The following PPP1R12A variants were observed in gnomAD, a reference collection of about 807,000 sequenced individuals.
The protein encoded by PPP1R12A is myosin binding subunit.
In PPP1R12A, 19 loss-of-function variants were observed where a neutral mutation model predicts 139.6. The observed-to-expected ratio is 0.14, with a 90% CI of 0.09 to 0.20. The LOEUF (loss-of-function observed/expected upper bound fraction) is 0.20, where lower values mean the gene tolerates loss of function less well. PPP1R12A is among the 10% of genes least tolerant of loss of function. The probability of loss-of-function intolerance (pLI) is 1.00; values close to 1 mark genes in which losing one functional copy is unlikely to be tolerated. For missense variants in PPP1R12A, 925 were observed against 1,211.5 expected, an observed-to-expected ratio of 0.76 and a Z score of 3.51; for synonymous variants, 427 against 420.6, an observed-to-expected ratio of 1.02 and a Z score of -0.19.
chr12:79,885,956 A>G (rs868341382), intron 1 of PPP1R12A, among the ~76,000 whole-genome samples: 1 of 152,142 alleles, frequency 6.6e-6, no homozygotes, highest in African/African-American at 2.4e-5. Flanking sequence ...TTGGCCTCCC[A>G]AAGTGCTGGC....
At chr12:79,845,491 T>C (rs890358730) in intron 2 of PPP1R12A, 71 bp from the exon 3 acceptor site, 21 of 1,103,860 alleles carry the variant, frequency 1.9e-5, no homozygotes, top group Non-Finnish European at 2.7e-5. Context: ...GCATAACCAA[T>C]GAGGAAAGTT....
intron 2 of PPP1R12A, among the ~76,000 whole-genome samples, chr12:79,858,456 A>C (rs1437814508): frequency 6.6e-6 from 1 of 152,232 alleles, no homozygotes; most frequent in Admixed American, 6.5e-5. Flanking sequence ...TAAATTAGGT[A>C]CAAGTATTAA....
At chr12:79,911,051 T>G (rs1423682280) in intron 1 of PPP1R12A, among the ~76,000 whole-genome samples, 1 of 152,216 alleles carries the variant, frequency 6.6e-6, no homozygotes, top group South Asian at 2.1e-4. Flanking sequence ...TGAAATAGGT[T>G]GCTAGCAGCC....
intron 15 of PPP1R12A, among the ~76,000 whole-genome samples, chr12:79,797,868 T>C (rs112316725): frequency 6.0e-4 from 91 of 152,224 alleles, no homozygotes; most frequent in African/African-American, 2.1e-3. Context: ...CCCTAGCAAA[T>C]AGTTCAGCTT....
chr12:79,825,375 T>C (rs1185216716), intron 5 of PPP1R12A: 1 of 152,088 alleles, frequency 6.6e-6, no homozygotes, highest in Non-Finnish European at 1.5e-5. Flanking sequence ...GAAAGAACAA[T>C]ATTAGATACA....
At chr12:79,847,093 T>TA (rs760954175) in intron 2 of PPP1R12A, among the ~76,000 whole-genome samples, 102 of 152,310 alleles carry the variant, frequency 6.7e-4, no homozygotes, top group Non-Finnish European at 1.1e-3. Flanking sequence ...CTCCTACTAT[T>TA]ATGTTCCCTC....
intron 3 of PPP1R12A, among the ~76,000 whole-genome samples, chr12:79,841,301 A>G (rs985819559): frequency 1.3e-5 from 2 of 151,662 alleles, no homozygotes; most frequent in African/African-American, 4.9e-5. Context: ...TGCCAAGCCA[A>G]CTCCCTCTAA....
chr12:79,932,457 ACTTTGG>A (rs1213017814), intron 1 of PPP1R12A, among the ~76,000 whole-genome samples: 1 of 152,218 alleles, frequency 6.6e-6, no homozygotes, highest in African/African-American at 2.4e-5. Flanking sequence ...TATTTTAAAG[ACTTTGG>A]CTTCACCGAT....
intron 1 of PPP1R12A, among the ~76,000 whole-genome samples, chr12:79,918,866 A>G (rs1887206090): frequency 6.6e-6 from 1 of 152,242 alleles, no homozygotes; most frequent in African/African-American, 2.4e-5. Context: ...CTGTAATCCC[A>G]GCACTTTGGG....
intron 1 of PPP1R12A, among the ~76,000 whole-genome samples, chr12:79,897,216 T>C (rs1885209656): frequency 6.6e-6 from 1 of 152,126 alleles, no homozygotes; most frequent in Admixed American, 6.6e-5. Flanking sequence ...CATAAAAAAA[T>C]AACGAAATCA....
intron 8 of PPP1R12A, chr12:79,818,648 G>A (rs1875706530): frequency 6.6e-6 from 1 of 152,076 alleles, no homozygotes; most frequent in Admixed American, 6.6e-5. Context: ...AACCCTAAAA[G>A]CAAAAATGTA....
intron 11 of PPP1R12A, 24 bp downstream of exon 11, chr12:79,808,459 T>A: frequency 6.8e-7 from 1 of 1,477,530 alleles, no homozygotes; most frequent in Non-Finnish European, 9.4e-7. Context: ...AGTGAATGCA[T>A]AAAGCAAATC....
chr12:79,848,058 G>A (rs1156912808), intron 2 of PPP1R12A, among the ~76,000 whole-genome samples: 2 of 152,042 alleles, frequency 1.3e-5, no homozygotes, highest in Non-Finnish European at 2.9e-5. Flanking sequence ...GTTTGTTCTG[G>A]ACATGTGTAT....
At chr12:79,906,374 TTAGGCA>T (rs1465867543) in intron 1 of PPP1R12A, among the ~76,000 whole-genome samples, 2 of 151,902 alleles carry the variant, frequency 1.3e-5, no homozygotes, top group Non-Finnish European at 2.9e-5. Flanking sequence ...CACATAAAAA[TTAGGCA>T]AAAGGAGTAT....
chr12:79,824,579 A>C (rs145667900), intron 5 of PPP1R12A, among the ~76,000 whole-genome samples: 2 of 152,200 alleles, frequency 1.3e-5, no homozygotes, highest in African/African-American at 2.4e-5. Context: ...AATGTGGGCT[A>C]TAAGAATTTC....
At chr12:79,922,200 G>C (rs982280920) in intron 1 of PPP1R12A, among the ~76,000 whole-genome samples, 1 of 152,120 alleles carries the variant, frequency 6.6e-6, no homozygotes, top group African/African-American at 2.4e-5. Flanking sequence ...AGTCGAAGCT[G>C]CAGTGAGCTG....
intron 1 of PPP1R12A, among the ~76,000 whole-genome samples, chr12:79,906,586 GGTTT>G (rs1886137656): frequency 6.6e-6 from 1 of 151,324 alleles, no homozygotes; most frequent in Non-Finnish European, 1.5e-5. Flanking sequence ...ACAAAGTGCT[GGTTT>G]ATTTATTCAT....
intron 2 of PPP1R12A, among the ~76,000 whole-genome samples, chr12:79,857,587 TAATAAAAA>T (rs897398780): frequency 4.6e-5 from 7 of 151,534 alleles, no homozygotes; most frequent in African/African-American, 1.2e-4. Flanking sequence ...TAAAAAATAA[TAATAAAAA>T]AATAATAAAA....
intron 5 of PPP1R12A, 50 bp from the exon 6 acceptor site, chr12:79,822,240 T>C: frequency 8.0e-7 from 1 of 1,257,150 alleles, no homozygotes; most frequent in East Asian, 2.5e-5. Flanking sequence ...CAATAAATCA[T>C]AAAATGCCTT....
Sources: allele counts gnomAD v4.1 joint callset (sites outside exome capture counted in the v4.1 genomes callset), GRCh38; gene constraint gnomAD v4.1.1; transcripts MANE v1.5; gene names NCBI Gene and HGNC (gene_info 2026-07-23, HGNC 2026-07-21).